Variants in HLA-DQA1 observed in about 807,000 individuals in gnomAD.
HLA-DQA1 encodes HLA class II histocompatibility antigen, DQ alpha 1 chain.
Under a neutral mutation model 20.7 loss-of-function variants are expected in HLA-DQA1, and 10 were observed. The observed-to-expected ratio is 0.48, with a 90% CI of 0.30 to 0.82. The LOEUF (loss-of-function observed/expected upper bound fraction) is 0.82, where lower values mean the gene tolerates loss of function less well. Ranked by LOEUF, HLA-DQA1 falls within the 40% of genes least tolerant of loss-of-function variation. The pLI, the probability that HLA-DQA1 is intolerant of heterozygous loss-of-function variation, is 0.07. For synonymous variants in HLA-DQA1, 39 were observed against 109.2 expected (o/e 0.36, Z 4.01); for missense variants, 127 against 293.0 (o/e 0.43, Z 4.14).
intron 1 of HLA-DQA1, among the ~76,000 whole-genome samples, chr6:32,641,031 A>G (rs141274999): frequency 0.017 from 1,815 of 105,944 alleles, 114 homozygotes; most frequent in East Asian, 0.07. Flanking sequence ...TTATTTAATC[A>G]TAAGTCCATG....
chr6:32,640,771 G>A (rs558652356), intron 1 of HLA-DQA1, among the ~76,000 whole-genome samples: 2,115 of 84,494 alleles, frequency 0.025, 83 homozygotes, highest in East Asian at 0.066. Flanking sequence ...ATTGTTAGCA[G>A]AAATTATTTT....
chr6:32,637,504 AC>A lies in HLA-DQA1; in HGVS notation c.48del (p.Val17Ter). 1 of 1,181,132 alleles carries A rather than the reference AC, an allele frequency of 8.5e-7. No homozygotes were observed. The highest frequency in any genetic ancestry group is 1.2e-6 in the Non-Finnish European group (1 of 844,792). 73.2% of individuals were successfully genotyped at this position (1,181,132 alleles called of 1,614,324 possible). On this transcript the variant is annotated frameshift_variant, in exon 1 of 5. Coordinates refer to ENST00000343139, the MANE Select transcript of HLA-DQA1 (RefSeq NM_002122.5). LOFTEE classifies it high-confidence loss of function. ...GCTGCTGGGGGCCCTCGCTCTGACC[AC>A]CGTGATGAGCCCCTGTGGAGGTGAA... Reference protein sequence around the residue: ...ALLLGALALTTVMSPCGGEDI... With the variant: ...ALLLGALALTXVMSPCGGEDI...
chr6:32,651,445 A>G (rs1255056602), downstream of HLA-DQA1, among the ~76,000 whole-genome samples: 10 of 85,610 alleles, frequency 1.2e-4, 4 homozygotes, highest in South Asian at 7.6e-4. Flanking sequence ...TTAGCCGGGC[A>G]TGGTGGCGGG....
At chr6:32,640,545 T>C (rs9272644) in intron 1 of HLA-DQA1, among the ~76,000 whole-genome samples, 55,214 of 76,014 alleles carry the variant, frequency 0.73, 23,643 homozygotes, top group Admixed American at 0.81. Context: ...CATTTAGTAA[T>C]CTCCTTCACA....
chr6:32,653,784 T>C, the HLA-DQA1 span, among the ~76,000 whole-genome samples: 1,572 of 79,900 alleles, frequency 0.02, 82 homozygotes, highest in Admixed American at 0.024. Context: ...GAAACTGGTC[T>C]ATATACACAA....
chr6:32,644,321 A>G (rs563426627), downstream of HLA-DQA1: 112 of 152,330 alleles, frequency 7.4e-4, no homozygotes, highest in African/African-American at 2.7e-3. Flanking sequence ...GAGAAAAAAT[A>G]CAAAACATTA....
chr6:32,642,635 A>C lies in HLA-DQA1; in HGVS notation c.639A>C (p.Ser213=). ...HWEPEIPAPM[S]ELTETVVCAL... Reference sequence around the variant, plus strand: ...AGCCTGAGATTCCAGCCCCTATGTCAGAGCTCACAGAGACTGTGGTCTGTG... The same window carrying C: ...AGCCTGAGATTCCAGCCCCTATGTCCGAGCTCACAGAGACTGTGGTCTGTG... Residue 213 remains serine, a synonymous_variant, in exon 4 of 5, where the codon TCA becomes TCC. Coordinates refer to ENST00000343139, the MANE Select transcript of HLA-DQA1 (RefSeq NM_002122.5). The C allele has an allele frequency of 7.3e-7, 1 of 1,366,566 alleles. No homozygotes were observed. The highest frequency in any genetic ancestry group is 1.0e-6 in the Non-Finnish European group (1 of 993,370). The allele number at this position is 1,366,566 out of a possible 1,614,324, so 84.7% of individuals were successfully genotyped here.
At chr6:32,645,802 A>G (rs886219683), downstream of HLA-DQA1, 3 of 113,618 alleles carry the variant, frequency 2.6e-5, 1 homozygote, top group Non-Finnish European at 5.7e-5. Context: ...AATATATTTC[A>G]TATACATTTC....
intron 1 of HLA-DQA1, among the ~76,000 whole-genome samples, chr6:32,640,343 C>T (rs1424854416): frequency 9.9e-6 from 1 of 100,724 alleles, no homozygotes; most frequent in African/African-American, 3.4e-5. Flanking sequence ...CTTGTGGATG[C>T]TCAGAAAGTG....
intron 1 of HLA-DQA1, among the ~76,000 whole-genome samples, chr6:32,638,254 G>A (rs1781042184): frequency 8.7e-6 from 1 of 114,868 alleles, no homozygotes; most frequent in African/African-American, 3.2e-5. Flanking sequence ...CTTTTCTTTA[G>A]CAAAATAAGG....
intron 3 of HLA-DQA1, 123 bp from the exon 4 acceptor site, chr6:32,642,487 C>T: frequency 1.2e-6 from 1 of 808,732 alleles, no homozygotes; most frequent in South Asian, 1.4e-5. Context: ...TGATAGACTT[C>T]ACTCTTCTCC....
At chr6:32,638,343 T>G (rs1388961251) in intron 1 of HLA-DQA1, among the ~76,000 whole-genome samples, 1 of 125,662 alleles carries the variant, frequency 8.0e-6, no homozygotes, top group African/African-American at 3.0e-5. Flanking sequence ...CAACCCAAAT[T>G]ACCTGTTCTT....
downstream of HLA-DQA1, chr6:32,646,190 T>G (rs1430431192): frequency 7.4e-6 from 1 of 134,892 alleles, no homozygotes; most frequent in Non-Finnish European, 1.6e-5. Flanking sequence ...TCTTAAACAA[T>G]TATTTGAGCT....
chr6:32,644,676 A>ATGTG (rs1389962945), downstream of HLA-DQA1: 5 of 55,658 alleles, frequency 9.0e-5, no homozygotes, highest in Non-Finnish European at 2.2e-4. Flanking sequence ...GGAGATTCAA[A>ATGTG]TGTAGAGCTA....
downstream of HLA-DQA1, among the ~76,000 whole-genome samples, chr6:32,651,351 A>G (rs28667353): frequency 0.6 from 48,719 of 80,634 alleles, 21,140 homozygotes; most frequent in South Asian, 0.82. Context: ...TTGGGAGGCC[A>G]AGGCGGGCAG....
downstream of HLA-DQA1, among the ~76,000 whole-genome samples, chr6:32,651,124 G>A (rs28801188): frequency 0.048 from 3,946 of 82,114 alleles, 1,282 homozygotes; most frequent in African/African-American, 0.1. Context: ...TCCTGACCTC[G>A]TGGTCTCCCT....
chr6:32,644,037 G>GCCGATAAAAAAACAAAA (rs9282046), downstream of HLA-DQA1: 1 of 151,236 alleles, frequency 6.6e-6, no homozygotes, highest in Admixed American at 6.6e-5. Flanking sequence ...TTGGAAACAT[G>GCCGATAAAAAAACAAAA]CCAATATCTT....
downstream of HLA-DQA1, among the ~76,000 whole-genome samples, chr6:32,647,650 C>T (rs17843575): frequency 0.57 from 85,958 of 151,372 alleles, 24,622 homozygotes; most frequent in Middle Eastern, 0.7. Flanking sequence ...AGTTAGGAAA[C>T]CCTGAGTATC....
chr6:32,642,541 C>CATGCA (rs1781522672), intron 3 of HLA-DQA1, 69 bp from the exon 4 acceptor site: 1 of 1,291,938 alleles, frequency 7.7e-7, no homozygotes, highest in East Asian at 2.4e-5. Context: ...ACCCTCTACC[C>CATGCA]CATCCCATCC....
Sources: allele counts gnomAD v4.1 joint callset (sites outside exome capture counted in the v4.1 genomes callset), GRCh38; gene constraint gnomAD v4.1.1; transcripts MANE v1.5; gene names NCBI Gene and HGNC (gene_info 2026-07-23, HGNC 2026-07-21).